Variants in POM121L12 observed in about 807,000 individuals in gnomAD.
POM121L12 encodes POM121 transmembrane nucleoporin like 12, also known as POM121-like protein 12.
For missense variants in POM121L12, 553 were observed against 409.2 expected, an observed-to-expected ratio of 1.35 and a Z score of -3.03; for synonymous variants, 251 against 179.2, an observed-to-expected ratio of 1.40 and a Z score of -3.20.
rs1168850020 is a variant in POM121L12, at chr7:53,036,098, C to T, written c.427C>T (p.Pro143Ser). Residue 143 changes from proline (P) to serine (S), a missense_variant, in exon 1 of 1, where the codon CCC (proline) becomes TCC (serine). Transcript: ENST00000408890. ...GAGCCCGGTGACCATCGGGATCGCG[C>T]CCCCTGAGCGTCAGGAGAGCCCCTG... ...TWSPVTIGIA[P>S]PERQESPWRS... 1.2e-6 allele frequency: 2 copies of T among 1,612,254 alleles called. No homozygotes were observed. The highest frequency in any genetic ancestry group is 2.2e-5 in the East Asian group (1 of 44,790).
Position 53,036,148 on chromosome 7 carries a change from C to G in POM121L12, c.477C>G (p.Arg159=), listed in dbSNP as rs1406821587. The G allele has an allele frequency of 1.2e-6, 2 of 1,610,920 alleles. No individual in the cohort carries two copies. The highest frequency in any genetic ancestry group is 3.3e-5 in the Admixed American group (2 of 59,940). The part of the protein sequence containing the change: ...SPWRSPGQRA[R]PAGRPAAQEL... ...GGAGATCCCCTGGACAGAGAGCCCGCCCCGCAGGCCGCCCCGCCGCCCAGG... is the reference window on the plus strand; with the variant it reads ...GGAGATCCCCTGGACAGAGAGCCCGGCCCGCAGGCCGCCCCGCCGCCCAGG... The change falls in exon 1 of 1, where the codon CGC becomes CGG. Residue 159 remains arginine, a synonymous_variant. Transcript: ENST00000408890.
At chr7:53,035,999 C>T in the POM121L12 span, 4 of 1,612,762 alleles carry the variant, frequency 2.5e-6, no homozygotes, top group African/African-American at 1.3e-5. Context: ...CGCTCTGGGG[C>T]GAGACCTCTC....
Position 53,035,708 on chromosome 7 carries a change from G to T in POM121L12, c.37G>T (p.Gly13Trp). 1 of 1,607,580 alleles carries T rather than the reference G, an allele frequency of 6.2e-7. No homozygotes were observed. The highest frequency in any genetic ancestry group is 2.3e-5 in the East Asian group (1 of 44,422). Reference protein sequence around the residue: ...AAAPAESADLGNFWKAGEPLL... With the variant: ...AAAPAESADLWNFWKAGEPLL... The stretch of plus-strand genomic sequence containing the variant: ...AGCTCCGGCCGAGTCCGCAGACCTC[G>T]GGAACTTCTGGAAGGCGGGAGAACC... Residue 13 changes from glycine (G) to tryptophan (W), a missense_variant, in exon 1 of 1, where the codon GGG becomes TGG. Transcript: ENST00000408890.
Position 53,036,182 on chromosome 7 carries a change from G to C in POM121L12, c.511G>C (p.Asp171His). ...CCGCCCCGCCGCCCAGGAGCTCCTG[G>C]ACCCCTGCACCCGGGAGACTCTGCT... ...AGRPAAQELL[D>H]PCTRETLLGA... The change falls in exon 1 of 1, where the codon GAC becomes CAC. Residue 171 changes from aspartate (D) to histidine (H), a missense_variant. Transcript: ENST00000408890. The C allele has an allele frequency of 1.2e-6, 2 of 1,610,756 alleles. No individual in the cohort carries two copies. Among genetic ancestry groups the C allele is most frequent in the Non-Finnish European group, 1.7e-6 (2 of 1,179,454 alleles).
In POM121L12 at chr7:53,036,593, A is replaced by G; in HGVS notation, c.*31A>G. 6.4e-7 allele frequency: 1 copy of G among 1,563,260 alleles called. No individual in the cohort carries two copies. The highest frequency in any genetic ancestry group is 8.7e-7 in the Non-Finnish European group (1 of 1,155,864). The stretch of plus-strand genomic sequence containing the variant: ...TGGGCTCTGCTACCCACCTCCGGAG[A>G]CACAAGCCCACGTATCTACTTTCAC... On this transcript the variant is annotated 3_prime_UTR_variant, in exon 1 of 1. Coordinates refer to ENST00000408890, the MANE Select transcript of POM121L12 (RefSeq NM_182595.4).
Position 53,036,395 on chromosome 7 carries a change from C to T in POM121L12, c.724C>T (p.Pro242Ser). The T allele has an allele frequency of 6.2e-7, 1 of 1,613,730 alleles. No individual in the cohort carries two copies. Among genetic ancestry groups the T allele is most frequent in the African/African-American group, 1.3e-5 (1 of 74,998 alleles). Residue 242 changes from proline (P) to serine (S), a missense_variant, in exon 1 of 1, where the codon CCC (proline) becomes TCC (serine). Transcript: ENST00000408890. ...RPGPLKPSLG[P>S]WSLSFCDDAW... Reference sequence around the variant, plus strand: ...AGGGCCTCTGAAGCCGAGCCTCGGCCCCTGGAGCCTCAGTTTTTGTGATGA... The same window carrying T: ...AGGGCCTCTGAAGCCGAGCCTCGGCTCCTGGAGCCTCAGTTTTTGTGATGA...
Position 53,035,936 on chromosome 7 carries a change from C to G in POM121L12, c.265C>G (p.Pro89Ala), listed in dbSNP as rs778837822. 5.0e-6 allele frequency: 8 copies of G among 1,612,810 alleles called. No homozygotes were observed. Among genetic ancestry groups the G allele is most frequent in the Non-Finnish European group, 6.8e-6 (8 of 1,179,640 alleles). Residue 89 changes from proline (P) to alanine (A), a missense_variant, in exon 1 of 1, where the codon CCG (proline) becomes GCG (alanine). Transcript: ENST00000408890. ...EVRPTQDPAK[P>A]QRVVSEGWRR... Reference sequence around the variant, plus strand: ...GCGGCCCACCCAGGACCCCGCCAAGCCGCAGCGGGTGGTCTCCGAGGGCTG... The same window carrying G: ...GCGGCCCACCCAGGACCCCGCCAAGGCGCAGCGGGTGGTCTCCGAGGGCTG...
rs769049269 is a variant in POM121L12 at position 53,035,697 on chromosome 7, C to G, written c.26C>G (p.Ser9Cys). 30 of 1,600,824 alleles carry G rather than the reference C, an allele frequency of 1.9e-5. No individual in the cohort carries two copies. The highest frequency in any genetic ancestry group is 8.6e-5 in the Admixed American group (5 of 58,276). The change falls in exon 1 of 1, where the codon TCC becomes TGC. Residue 9 changes from serine to cysteine, a missense_variant. Transcript: ENST00000408890. The stretch of plus-strand genomic sequence containing the variant: ...ATGGGCGCTGCAGCTCCGGCCGAGT[C>G]CGCAGACCTCGGGAACTTCTGGAAG... Reference protein sequence around the residue: MGAAAPAESADLGNFWKAG... With the variant: MGAAAPAECADLGNFWKAG...
chr7:53,036,412 T>C lies in POM121L12; in HGVS notation c.741T>C (p.Phe247=). The C allele has an allele frequency of 1.2e-6, 2 of 1,613,738 alleles. No individual in the cohort carries two copies. Among genetic ancestry groups the C allele is most frequent in the African/African-American group, 2.7e-5 (2 of 74,978 alleles). ...KPSLGPWSLS[F]CDDAWPSVLV... ...GCCTCGGCCCCTGGAGCCTCAGTTT[T>C]TGTGATGATGCTTGGCCTTCCGTGC... Residue 247 remains phenylalanine, a synonymous_variant, in exon 1 of 1, where the codon TTT becomes TTC. Transcript: ENST00000408890.
Position 53,035,836 on chromosome 7 carries a change from G to T in POM121L12, c.165G>T (p.Leu55=), listed in dbSNP as rs374979505. 4 of 1,613,534 alleles carry T rather than the reference G, an allele frequency of 2.5e-6. No homozygotes were observed. In the African/African-American group the frequency reaches 4.0e-5, roughly 16 times the overall value. ...AGGGTCGCCAGAGTCCCTGGCCCCT[G>T]AGGTCCCTGACTCAGAGCCATATTC... The part of the protein sequence containing the change: ...SPQGRQSPWP[L]RSLTQSHIQY... The change falls in exon 1 of 1, where the codon CTG becomes CTT. Residue 55 remains leucine (L), a synonymous_variant. Transcript: ENST00000408890.
the POM121L12 span, chr7:53,036,521 GC>G: frequency 6.2e-7 from 1 of 1,613,362 alleles, no homozygotes; most frequent in Non-Finnish European, 8.5e-7. Context: ...GGTCTCCTTC[GC>G]CCTCGAGGTC....
Position 53,035,999 on chromosome 7 carries a change from C to A in POM121L12, c.328C>A (p.Arg110=), listed in dbSNP as rs1418866673. 1 of 1,612,762 alleles carries A rather than the reference C, an allele frequency of 6.2e-7. No individual in the cohort carries two copies. The highest frequency in any genetic ancestry group is 8.5e-7 in the Non-Finnish European group (1 of 1,179,756). ...PALPGETALG[R]DLSCAWEGCM... ...CCTTCCCGGGGAGACCGCTCTGGGG[C>A]GAGACCTCTCCTGTGCCTGGGAGGG... Residue 110 remains arginine, a synonymous_variant, in exon 1 of 1, where the codon CGA becomes AGA. Coordinates refer to ENST00000408890, the MANE Select transcript of POM121L12 (RefSeq NM_182595.4).
chr7:53,035,822 AGTCCCTGGCCCCT>A, the POM121L12 span: 1 of 1,613,726 alleles, frequency 6.2e-7, no homozygotes, highest in Non-Finnish European at 8.5e-7. Flanking sequence ...GGGTCGCCAG[AGTCCCTGGCCCCT>A]GAGGTCCCTG....
At chr7:53,035,824 TC>T in the POM121L12 span, 2 of 1,613,098 alleles carry the variant, frequency 1.2e-6, no homozygotes, top group Non-Finnish European at 1.7e-6. Flanking sequence ...GTCGCCAGAG[TC>T]CCTGGCCCCT....
In POM121L12 at chr7:53,036,612, C is replaced by T. The variant is rs931149930; in HGVS notation, c.*50C>T. On this transcript the variant is annotated 3_prime_UTR_variant, in exon 1 of 1. Coordinates refer to ENST00000408890, the MANE Select transcript of POM121L12 (RefSeq NM_182595.4). ...CCGGAGACACAAGCCCACGTATCTA[C>T]TTTCACTTGCTCATCCTTGCTCTAC... is the stretch of plus-strand genomic sequence containing the variant. 1.3e-6 allele frequency: 2 copies of T among 1,536,116 alleles called. No individual in the cohort carries two copies. Among genetic ancestry groups the T allele is most frequent in the African/African-American group, 2.8e-5 (2 of 72,278 alleles).
chr7:53,036,432 C>G lies in POM121L12; in HGVS notation c.761C>G (p.Ser254Cys), dbSNP rs776131530. Residue 254 changes from serine (S) to cysteine (C), a missense_variant, in exon 1 of 1, where the codon TCC (serine) becomes TGC (cysteine). Coordinates refer to ENST00000408890, the MANE Select transcript of POM121L12 (RefSeq NM_182595.4). ...SLSFCDDAWPSVLVQPAPSAI... is the reference protein window; with the variant it reads ...SLSFCDDAWPCVLVQPAPSAI... ...AGTTTTTGTGATGATGCTTGGCCTTCCGTGCTGGTCCAGCCCGCCCCATCC... is the reference window on the plus strand; with the variant it reads ...AGTTTTTGTGATGATGCTTGGCCTTGCGTGCTGGTCCAGCCCGCCCCATCC... 2.5e-6 allele frequency: 4 copies of G among 1,613,792 alleles called. No individual in the cohort carries two copies. The Admixed American group carries it at 6.7e-5, about 27-fold the overall frequency.
In POM121L12 at chr7:53,036,547, C is replaced by T. The variant is rs1787564360; in HGVS notation, c.876C>T (p.Gly292=). Residue 292 remains glycine, a synonymous_variant, in exon 1 of 1, where the codon GGC becomes GGT. Transcript: ENST00000408890. ...SFALEVTQSA[G]PFGS is the part of the protein sequence containing the mutation. ...CCCTCGAGGTCACCCAGTCTGCTGG[C>T]CCCTTTGGCTCCTAAGAATCTGGGC... is the stretch of plus-strand genomic sequence containing the variant. 1 of 1,608,142 alleles carries T rather than the reference C, an allele frequency of 6.2e-7. No homozygotes were observed. The highest frequency in any genetic ancestry group is 8.5e-7 in the Non-Finnish European group (1 of 1,177,138).
At chr7:53,036,113 G>T in the POM121L12 span, 1 of 1,611,844 alleles carries the variant, frequency 6.2e-7, no homozygotes, top group Non-Finnish European at 8.5e-7. Context: ...TGAGCGTCAG[G>T]AGAGCCCCTG....
the POM121L12 span, chr7:53,035,961 G>A: frequency 1.2e-6 from 2 of 1,612,590 alleles, no homozygotes; most frequent in Admixed American, 3.3e-5. Context: ...TCCGAGGGCT[G>A]GAGGCGCCCT....
Sources: gnomAD v4.1 joint callset for allele counts on GRCh38, gnomAD v4.1.1 for gene constraint, MANE v1.5 for transcripts, NCBI Gene and HGNC (gene_info 2026-07-23, HGNC 2026-07-21) for gene names.